GPC5: variants seen among roughly 807,000 people sequenced by gnomAD.
GPC5 encodes the protein glypican 5.
GPC5 carries 47 observed loss-of-function variants against 53.9 expected under a neutral mutation model. The observed-to-expected ratio is 0.87, with a 90% confidence interval of 0.69 to 1.11. GPC5 has a LOEUF of 1.11. GPC5 is among the 50% of genes most tolerant of loss of function. The pLI is 0.00. For missense variants in GPC5, 748 were observed against 713.1 expected, an observed-to-expected ratio of 1.05 and a Z score of -0.56; for synonymous variants, 286 against 263.3, an observed-to-expected ratio of 1.09 and a Z score of -0.84.
rs764715649 is a variant in GPC5, at chr13:91,693,172, C to T, written c.326-15C>T. ...TACTAAACCTTCTCATGTTTTACCT[C>T]TGCTTGTGTTACAGAAACCCTTGAA... On this transcript the variant is annotated splice_polypyrimidine_tract_variant and intron_variant, in intron 2 of 7. Coordinates refer to ENST00000377067, the MANE Select transcript of GPC5 (RefSeq NM_004466.6). 6 of 1,590,560 alleles carry T rather than the reference C, an allele frequency of 3.8e-6. No individual in the cohort carries two copies. The East Asian group carries it at 6.7e-5, about 18-fold the overall frequency.
At chr13:92,595,215 C>G (rs1258377236) in intron 7 of GPC5, among the ~76,000 whole-genome samples, 3 of 152,100 alleles carry the variant, frequency 2.0e-5, no homozygotes, top group African/African-American at 2.4e-5. Context: ...TTTATGCCCC[C>G]CTTTTTCAAA....
At chr13:92,759,791 C>T (rs756022432) in intron 7 of GPC5, among the ~76,000 whole-genome samples, 26 of 151,986 alleles carry the variant, frequency 1.7e-4, no homozygotes, top group South Asian at 4.2e-4. Context: ...ATGCATTGTA[C>T]CAGATCTTAG....
chr13:92,847,281 G>A (rs1225278734), intron 7 of GPC5, among the ~76,000 whole-genome samples: 1 of 152,116 alleles, frequency 6.6e-6, no homozygotes, highest in African/African-American at 2.4e-5. Flanking sequence ...AGTTCTGTGG[G>A]AAACCTGCAG....
At chr13:92,721,975 T>G (rs889777019) in intron 7 of GPC5, among the ~76,000 whole-genome samples, 2 of 152,032 alleles carry the variant, frequency 1.3e-5, no homozygotes, top group Admixed American at 6.6e-5. Flanking sequence ...AATCTTTGAT[T>G]AGAAACCCTT....
At chr13:91,666,598 A>AAGG (rs2035119183) in intron 2 of GPC5, among the ~76,000 whole-genome samples, 1 of 152,198 alleles carries the variant, frequency 6.6e-6, no homozygotes, top group Non-Finnish European at 1.5e-5. Context: ...ATTTCAATTC[A>AAGG]ATATGATATG....
chr13:91,545,966 G>T (rs1231739301), intron 2 of GPC5, among the ~76,000 whole-genome samples: 2 of 151,902 alleles, frequency 1.3e-5, no homozygotes, highest in African/African-American at 2.4e-5. Context: ...TTAACTTGGT[G>T]GCTTGTTTTT....
chr13:92,471,089 G>A (rs9561060), intron 7 of GPC5, among the ~76,000 whole-genome samples: 42,707 of 151,910 alleles, frequency 0.28, 6,431 homozygotes, highest in East Asian at 0.41. Flanking sequence ...TGTCCTTATC[G>A]GGGCTAGAAA....
intron 2 of GPC5, among the ~76,000 whole-genome samples, chr13:91,465,344 C>T (rs968910458): frequency 6.6e-6 from 1 of 152,094 alleles, no homozygotes; most frequent in Non-Finnish European, 1.5e-5. Context: ...TTCCTCACCC[C>T]GAATAGTTAC....
intron 1 of GPC5, among the ~76,000 whole-genome samples, chr13:91,413,276 T>G (rs1877946147): frequency 6.6e-6 from 1 of 151,916 alleles, no homozygotes; most frequent in South Asian, 2.1e-4. Flanking sequence ...GAGTCTGTCT[T>G]AAACAAAACA....
chr13:92,342,647 A>T (rs189454426), intron 7 of GPC5, among the ~76,000 whole-genome samples: 132 of 152,126 alleles, frequency 8.7e-4, no homozygotes, highest in African/African-American at 3.2e-3. Context: ...TTTCTTTTTT[A>T]AATTACCAAA....
chr13:91,667,975 A>G (rs1172496469), intron 2 of GPC5, among the ~76,000 whole-genome samples: 1 of 152,166 alleles, frequency 6.6e-6, no homozygotes, highest in Non-Finnish European at 1.5e-5. Context: ...TTTCTCTTTC[A>G]TAATATTGCT....
At chr13:92,400,442 G>A (rs535314371) in intron 7 of GPC5, among the ~76,000 whole-genome samples, 12 of 152,036 alleles carry the variant, frequency 7.9e-5, no homozygotes, top group Non-Finnish European at 1.0e-4. Context: ...ATGCTTATCC[G>A]TGCCATACAG....
At chr13:92,464,916 C>T (rs1878632078) in intron 7 of GPC5, among the ~76,000 whole-genome samples, 1 of 151,244 alleles carries the variant, frequency 6.6e-6, no homozygotes, top group South Asian at 2.1e-4. Context: ...TATATTTAAA[C>T]AATGTATATT....
At chr13:92,631,570 T>C (rs572059106) in intron 7 of GPC5, among the ~76,000 whole-genome samples, 32 of 152,120 alleles carry the variant, frequency 2.1e-4, no homozygotes, top group Non-Finnish European at 3.8e-4. Flanking sequence ...AGGGGGATAA[T>C]AAAAACTGTA....
intron 7 of GPC5, among the ~76,000 whole-genome samples, chr13:92,264,651 G>A (rs958120689): frequency 6.6e-6 from 1 of 151,446 alleles, no homozygotes; most frequent in South Asian, 2.1e-4. Context: ...TTCAACCTAT[G>A]TTGTTCTTGT....
intron 4 of GPC5, among the ~76,000 whole-genome samples, chr13:91,750,829 A>C (rs976521580): frequency 1.3e-5 from 2 of 151,742 alleles, no homozygotes; most frequent in Admixed American, 6.6e-5. Flanking sequence ...TGCCCGGCTA[A>C]TTTTGTATTT....
At chr13:92,344,713 C>T (rs1305263083) in intron 7 of GPC5, among the ~76,000 whole-genome samples, 1 of 152,098 alleles carries the variant, frequency 6.6e-6, no homozygotes, top group Non-Finnish European at 1.5e-5. Flanking sequence ...TTTTGAACCT[C>T]CTGCCAGCAC....
At chr13:92,602,122 A>G (rs1884077642) in intron 7 of GPC5, among the ~76,000 whole-genome samples, 1 of 146,924 alleles carries the variant, frequency 6.8e-6, no homozygotes, top group Admixed American at 6.9e-5. Flanking sequence ...AAAGTATTAT[A>G]TACATATAAT....
intron 2 of GPC5, among the ~76,000 whole-genome samples, chr13:91,621,792 T>TATATATATATATATATATATATATA (rs2033867114): frequency 7.0e-6 from 1 of 142,370 alleles, no homozygotes; most frequent in Admixed American, 6.9e-5. Flanking sequence ...TATATATATA[T>TATATATATATATATATATATATATA]GAAGGGGAGT....
Sources: gnomAD v4.1 joint callset for allele counts (sites outside exome capture counted in the v4.1 genomes callset) on GRCh38, gnomAD v4.1.1 for gene constraint, MANE v1.5 for transcripts, NCBI Gene and HGNC (gene_info 2026-07-23, HGNC 2026-07-21) for gene names.